GHR: variants seen among roughly 807,000 people sequenced by gnomAD.
GHR encodes growth hormone receptor.
GHR carries 35 observed loss-of-function variants against 67.1 expected under a neutral mutation model. That is an observed-to-expected ratio of 0.52 (90% CI 0.40 to 0.69). The LOEUF (loss-of-function observed/expected upper bound fraction) is 0.69. Ranked by LOEUF, GHR falls within the 30% of genes least tolerant of loss-of-function variation. GHR has a pLI of 0.00. For missense variants in GHR, 792 were observed against 764.6 expected, an observed-to-expected ratio of 1.04 and a Z score of -0.42; for synonymous variants, 272 against 269.1, an observed-to-expected ratio of 1.01 and a Z score of -0.10.
At chr5:42,633,747 A>C (rs1754036201) in intron 3 of GHR, among the ~76,000 whole-genome samples, 1 of 152,132 alleles carries the variant, frequency 6.6e-6, no homozygotes, top group Non-Finnish European at 1.5e-5. Context: ...TTCATCTTAC[A>C]CACTTTTCTA....
chr5:42,537,052 T>G (rs1230332023), intron 1 of GHR, among the ~76,000 whole-genome samples: 1 of 152,144 alleles, frequency 6.6e-6, no homozygotes, highest in Non-Finnish European at 1.5e-5. Context: ...TTTTCTCTCT[T>G]CTATTCTTGG....
intron 1 of GHR, among the ~76,000 whole-genome samples, chr5:42,489,247 T>C (rs577178866): frequency 7.9e-5 from 12 of 152,200 alleles, no homozygotes; most frequent in Non-Finnish European, 1.6e-4. Context: ...TTTTCACCTT[T>C]TTACCTCTTA....
intron 2 of GHR, among the ~76,000 whole-genome samples, chr5:42,580,062 T>C (rs1751075052): frequency 6.6e-6 from 1 of 152,204 alleles, no homozygotes; most frequent in Non-Finnish European, 1.5e-5. Context: ...GGCAGAACTA[T>C]ATATCAGTAG....
intron 3 of GHR, among the ~76,000 whole-genome samples, chr5:42,650,022 C>G (rs1486103320): frequency 6.6e-6 from 1 of 152,056 alleles, no homozygotes; most frequent in African/African-American, 2.4e-5. Flanking sequence ...CTTCAACCTT[C>G]TAGTGAAGTG....
chr5:42,593,800 C>A (rs1367459592), intron 2 of GHR, among the ~76,000 whole-genome samples: 1 of 152,192 alleles, frequency 6.6e-6, no homozygotes. Context: ...ATTCTTGAGG[C>A]TCTGGAATAG....
chr5:42,486,596 C>T (rs1329249381), intron 1 of GHR, among the ~76,000 whole-genome samples: 1 of 152,074 alleles, frequency 6.6e-6, no homozygotes, highest in African/African-American at 2.4e-5. Context: ...GCCTGTAATC[C>T]CAGCACTTTG....
At chr5:42,566,785 T>C (rs1171926565) in intron 2 of GHR, among the ~76,000 whole-genome samples, 1 of 151,936 alleles carries the variant, frequency 6.6e-6, no homozygotes, top group Non-Finnish European at 1.5e-5. Context: ...GCTTTAAGAG[T>C]GTCAGACTCC....
At chr5:42,487,882 C>T (rs903873629) in intron 1 of GHR, among the ~76,000 whole-genome samples, 2 of 152,210 alleles carry the variant, frequency 1.3e-5, no homozygotes, top group Non-Finnish European at 2.9e-5. Context: ...ATCAGTGGCT[C>T]TGAACACTTG....
intron 2 of GHR, among the ~76,000 whole-genome samples, chr5:42,594,022 T>A (rs1181568494): frequency 1.3e-5 from 2 of 152,210 alleles, no homozygotes; most frequent in East Asian, 3.8e-4. Context: ...TCAAATGACT[T>A]GTTTCTATTT....
At chr5:42,470,444 A>G (rs1225732916) in intron 1 of GHR, among the ~76,000 whole-genome samples, 1 of 152,104 alleles carries the variant, frequency 6.6e-6, no homozygotes, top group Admixed American at 6.5e-5. Context: ...ATCCGAATTC[A>G]TATTTGTATT....
intron 1 of GHR, among the ~76,000 whole-genome samples, chr5:42,464,342 A>T (rs1245278213): frequency 6.6e-6 from 1 of 152,200 alleles, no homozygotes; most frequent in Non-Finnish European, 1.5e-5. Context: ...CTTTTGCTTT[A>T]TCTGAAGCAG....
At chr5:42,647,579 A>G in intron 3 of GHR, 1 of 404,460 alleles carries the variant, frequency 2.5e-6, no homozygotes, top group Non-Finnish European at 4.8e-6. Flanking sequence ...GTCTCCAAAA[A>G]AAAAAAAAAA....
chr5:42,514,036 A>T, intron 1 of GHR: 1 of 864,002 alleles, frequency 1.2e-6, no homozygotes. Context: ...GAAAAGAAAA[A>T]TAAAACAAAG....
intron 4 of GHR, among the ~76,000 whole-genome samples, chr5:42,693,312 T>C (rs1220545617): frequency 2.0e-5 from 3 of 152,100 alleles, no homozygotes. Flanking sequence ...CAGCTAATTT[T>C]TGTATTTTTA....
intron 1 of GHR, among the ~76,000 whole-genome samples, chr5:42,463,334 T>C (rs955283871): frequency 6.6e-6 from 1 of 152,224 alleles, no homozygotes; most frequent in African/African-American, 2.4e-5. Flanking sequence ...TTTTATGCCT[T>C]GTTGGCCATA....
chr5:42,600,289 A>G (rs1030275383), intron 2 of GHR, among the ~76,000 whole-genome samples: 3 of 152,246 alleles, frequency 2.0e-5, no homozygotes, highest in Non-Finnish European at 4.4e-5. Flanking sequence ...ACTAGGATCA[A>G]TATCTGTAAA....
At chr5:42,676,580 C>T (rs1377251290) in intron 3 of GHR, among the ~76,000 whole-genome samples, 1 of 152,026 alleles carries the variant, frequency 6.6e-6, no homozygotes, top group Non-Finnish European at 1.5e-5. Flanking sequence ...CTTGATAACA[C>T]CATAGGTTAA....
chr5:42,471,723 G>C (rs956914517), intron 1 of GHR, among the ~76,000 whole-genome samples: 1 of 152,118 alleles, frequency 6.6e-6, no homozygotes, highest in Non-Finnish European at 1.5e-5. Flanking sequence ...ATACGTCTTT[G>C]TTTAAATAAT....
In GHR at chr5:42,695,062, G is replaced by A; in HGVS notation, c.412G>A (p.Glu138Lys). 6.2e-7 allele frequency: 1 copy of A among 1,611,476 alleles called. No individual in the cohort carries two copies. Among genetic ancestry groups the A allele is most frequent in the South Asian group, 1.1e-5 (1 of 91,018 alleles). The change falls in exon 5 of 10, where the codon GAA (glutamate) becomes AAA (lysine). Residue 138 changes from glutamate to lysine, a missense_variant. By Grantham distance (56) the Glu-to-Lys change is moderately conservative. Transcript: ENST00000230882. ...KLTSNGGTVDEKCFSVDEIVQ... is the reference protein window; with the variant it reads ...KLTSNGGTVDKKCFSVDEIVQ... ...AACTAGCAATGGTGGTACAGTGGAT[G>A]AAAAGTGTTTCTCTGTTGATGAAAT... is the stretch of plus-strand genomic sequence containing the variant.
Sources: gnomAD v4.1 joint callset for allele counts (sites outside exome capture counted in the v4.1 genomes callset) on GRCh38, gnomAD v4.1.1 for gene constraint, MANE v1.5 for transcripts, NCBI Gene and HGNC (gene_info 2026-07-23, HGNC 2026-07-21) for gene names.